The following REST variants were observed in gnomAD, a reference collection of about 807,000 sequenced individuals.
REST encodes RE1 silencing transcription factor, also known as RE1-silencing transcription factor.
In REST, 1 loss-of-function variant was observed where a neutral mutation model predicts 30.4. The observed-to-expected ratio is 0.03, with a 90% CI of 0.01 to 0.16. REST has a LOEUF of 0.16. Among genes scored for constraint, REST ranks in the 10% least tolerant of loss-of-function variants. REST has a pLI of 1.00. For synonymous variants in REST, 504 were observed against 451.1 expected, an observed-to-expected ratio of 1.12 and a Z score of -1.49; for missense variants, 1,259 against 1,329.5, an observed-to-expected ratio of 0.95 and a Z score of 0.82.
Position 56,911,174 on chromosome 4 carries a change from G to C in REST, c.536G>C (p.Arg179Thr), listed in dbSNP as rs1031974892. ...GAAGAACAGTTTGTGCATCACATCA[G>C]AGTTCACAGTGCTAAGAAATTTTTT... ...ESEEQFVHHI[R>T]VHSAKKFFVE... Residue 179 changes from arginine (R) to threonine (T), a missense_variant, in exon 2 of 4, where the codon AGA (arginine) becomes ACA (threonine). Transcript: ENST00000309042. 1 of 1,614,208 alleles carries C rather than the reference G, an allele frequency of 6.2e-7. No individual in the cohort carries two copies. The highest frequency in any genetic ancestry group is 8.5e-7 in the Non-Finnish European group (1 of 1,180,046).
rs1199021044 is a variant in REST at position 56,935,482 on chromosome 4, C to G, written c.*3330C>G. ...ATGTGTACATAGGTTCCCTCCCGGT[C>G]CCTTCCATATCCATTAGTTATTGAA... On this transcript the variant is annotated 3_prime_UTR_variant, in exon 4 of 4. Coordinates refer to ENST00000309042, the MANE Select transcript of REST (RefSeq NM_005612.5). 6.6e-6 allele frequency: 1 copy of G among 152,228 alleles called. No individual in the cohort carries two copies. Among genetic ancestry groups the G allele is most frequent in the Non-Finnish European group, 1.5e-5 (1 of 68,040 alleles). The allele number at this position is 152,228 out of a possible 1,614,324, so 9.4% of individuals were successfully genotyped here.
chr4:56,931,001 C>A lies in REST; in HGVS notation c.2143C>A (p.Gln715Lys). The A allele has an allele frequency of 6.2e-7, 1 of 1,614,238 alleles. No individual in the cohort carries two copies. The highest frequency in any genetic ancestry group is 8.5e-7 in the Non-Finnish European group (1 of 1,180,036). ...PMEPAQMEVA[Q>K]VESAPMQVVQ... Reference sequence around the variant, plus strand: ...GGAACCTGCTCAGATGGAGGTTGCCCAGGTAGAATCTGCTCCCATGCAGGT... The same window carrying A: ...GGAACCTGCTCAGATGGAGGTTGCCAAGGTAGAATCTGCTCCCATGCAGGT... Residue 715 changes from glutamine to lysine, a missense_variant, in exon 4 of 4, where the codon CAG (glutamine) becomes AAG (lysine). By Grantham distance (53) the Gln-to-Lys change is moderately conservative. Around this residue, in one of 5 missense-constraint regions of REST, gnomAD observed 856 missense variants for 772.8 expected, o/e 1.11. Coordinates refer to ENST00000309042, the MANE Select transcript of REST (RefSeq NM_005612.5).
At chr4:56,925,663 G>A (rs891351111) in intron 3 of REST, among the ~76,000 whole-genome samples, 133 of 152,232 alleles carry the variant, frequency 8.7e-4, no homozygotes, top group African/African-American at 3.1e-3. Flanking sequence ...CTAGAATTGG[G>A]AAAAAGAATT....
Position 56,929,884 on chromosome 4 carries a change from T to C in REST, c.1026T>C (p.Ser342=). ...GTGATCAGTGCAGTTATGTGGCCTC[T>C]AATCAACATGAAGTAACCCGCCATG... ...FKCDQCSYVA[S]NQHEVTRHAR... Residue 342 remains serine, a synonymous_variant, in exon 4 of 4, where the codon TCT becomes TCC. Transcript: ENST00000309042. The C allele has an allele frequency of 6.2e-7, 1 of 1,614,160 alleles. No homozygotes were observed. The highest frequency in any genetic ancestry group is 8.5e-7 in the Non-Finnish European group (1 of 1,180,018).
At position 56,931,525 on chromosome 4, in the gene REST, TAAA is replaced by T; in HGVS notation, c.2668_2670del (p.Lys890del). 1 of 1,614,034 alleles carries T rather than the reference TAAA, an allele frequency of 6.2e-7. No homozygotes were observed. Among genetic ancestry groups the T allele is most frequent in the Non-Finnish European group, 8.5e-7 (1 of 1,180,010 alleles). ...AATTACTCAACACAGGTGAAGGAAATAAAGAAGCCCCTCTTCAGAAAGTAGGAG... is the reference window on the plus strand; with the variant it reads ...AATTACTCAACACAGGTGAAGGAAATGAAGCCCCTCTTCAGAAAGTAGGAG... On this transcript the variant is annotated inframe_deletion, in exon 4 of 4. Coordinates refer to ENST00000309042, the MANE Select transcript of REST (RefSeq NM_005612.5).
chr4:56,922,261 A>G (rs977638264), intron 3 of REST: 18 of 148,780 alleles, frequency 1.2e-4, no homozygotes, highest in Non-Finnish European at 5.9e-5. Context: ...TTTTAGTAAA[A>G]TATTTGAGAG....
At chr4:56,927,963 T>G (rs557507589) in intron 3 of REST, among the ~76,000 whole-genome samples, 7 of 152,228 alleles carry the variant, frequency 4.6e-5, no homozygotes, top group Non-Finnish European at 1.0e-4. Flanking sequence ...AGGATTAAAT[T>G]TCAAGAAAAA....
chr4:56,908,646 C>G (rs1719736463), intron 1 of REST, among the ~76,000 whole-genome samples: 1 of 152,128 alleles, frequency 6.6e-6, no homozygotes, highest in Non-Finnish European at 1.5e-5. Context: ...GGCCCCCTCC[C>G]CCAGGGCCTC....
At chr4:56,919,225 A>G (rs1720339394) in intron 2 of REST, among the ~76,000 whole-genome samples, 1 of 151,766 alleles carries the variant, frequency 6.6e-6, no homozygotes, top group African/African-American at 2.4e-5. Flanking sequence ...TTTTAAAATA[A>G]AATTTTAGAA....
At chr4:56,919,728 G>A in intron 2 of REST, 59 bp from the exon 3 acceptor site, 1 of 1,044,184 alleles carries the variant, frequency 9.6e-7, no homozygotes, top group Non-Finnish European at 1.5e-6. Context: ...TTGTTAGTGA[G>A]AATTGTATTT....
intron 3 of REST, among the ~76,000 whole-genome samples, chr4:56,926,371 C>G (rs1031159132): frequency 2.6e-5 from 4 of 151,098 alleles, no homozygotes; most frequent in African/African-American, 7.3e-5. Flanking sequence ...CTGCGCCCAG[C>G]CTTTTTTATT....
intron 3 of REST, among the ~76,000 whole-genome samples, chr4:56,920,739 C>T (rs974194515): frequency 2.6e-5 from 4 of 152,012 alleles, no homozygotes; most frequent in Non-Finnish European, 4.4e-5. Context: ...GAAACTCTAT[C>T]TTGAAAAAAA....
chr4:56,931,958 G>T lies in REST; in HGVS notation c.3100G>T (p.Gly1034Trp). Residue 1034 changes from glycine (G) to tryptophan (W), a missense_variant, in exon 4 of 4, where the codon GGG becomes TGG. By Grantham distance (184) the Gly-to-Trp change is radical. Around this residue, in one of 5 missense-constraint regions of REST, gnomAD observed 856 missense variants for 772.8 expected, o/e 1.11. Transcript: ENST00000309042. ...GGGTAGTGATGATTCTGGATTGCAT[G>T]GGGCTCGGCCAGTTCCACAAGAATC... is the stretch of plus-strand genomic sequence containing the variant. ...SEGSDDSGLH[G>W]ARPVPQESSR... The T allele has an allele frequency of 6.2e-7, 1 of 1,614,216 alleles. No homozygotes were observed. The highest frequency in any genetic ancestry group is 8.5e-7 in the Non-Finnish European group (1 of 1,180,040).
intron 3 of REST, among the ~76,000 whole-genome samples, chr4:56,926,169 C>G (rs1224106462): frequency 2.0e-5 from 3 of 152,052 alleles, no homozygotes; most frequent in Non-Finnish European, 4.4e-5. Context: ...AAGTGATTCT[C>G]CTGCCTCAGC....
chr4:56,919,370 A>G (rs758219221), intron 2 of REST, among the ~76,000 whole-genome samples: 44 of 152,264 alleles, frequency 2.9e-4, no homozygotes, highest in Middle Eastern at 3.4e-3. Flanking sequence ...TTCATCATTT[A>G]CAAGTTAAAA....
Position 56,930,173 on chromosome 4 carries a change from G to T in REST, c.1315G>T (p.Asp439Tyr), listed in dbSNP as rs1720896799. The T allele has an allele frequency of 6.2e-7, 1 of 1,611,962 alleles. No individual in the cohort carries two copies. Among genetic ancestry groups the T allele is most frequent in the African/African-American group, 1.3e-5 (1 of 74,824 alleles). The change falls in exon 4 of 4, where the codon GAT (aspartate) becomes TAT (tyrosine). Residue 439 changes from aspartate to tyrosine, a missense_variant. Coordinates refer to ENST00000309042, the MANE Select transcript of REST (RefSeq NM_005612.5). ...CAAAAAACGAGAGGCTGACTTGCCT[G>T]ATAATATTACCAATGAAAAAACAGA... ...KTKKREADLPDNITNEKTEIE... is the reference protein window; with the variant it reads ...KTKKREADLPYNITNEKTEIE...
intron 3 of REST, among the ~76,000 whole-genome samples, chr4:56,924,361 TATCAC>T (rs1159297250): frequency 3.3e-5 from 5 of 152,336 alleles, no homozygotes; most frequent in African/African-American, 1.2e-4. Flanking sequence ...CCTATTTGAT[TATCAC>T]TCAAGAACAA....
intron 2 of REST, among the ~76,000 whole-genome samples, chr4:56,913,237 A>G (rs1033616399): frequency 6.6e-6 from 1 of 152,084 alleles, no homozygotes; most frequent in Non-Finnish European, 1.5e-5. Flanking sequence ...ACAGCTCACC[A>G]CAGCCTCTAC....
At chr4:56,928,374 T>TG (rs1720804223) in intron 3 of REST, among the ~76,000 whole-genome samples, 1 of 152,116 alleles carries the variant, frequency 6.6e-6, no homozygotes, top group Non-Finnish European at 1.5e-5. Flanking sequence ...CCCAAAGTGC[T>TG]GGGATTACAG....
Sources: gnomAD v4.1 joint callset for allele counts (sites outside exome capture counted in the v4.1 genomes callset) on GRCh38, gnomAD v4.1.1 for gene constraint, gnomAD v4.1.1 regional missense constraint, MANE v1.5 for transcripts, NCBI Gene and HGNC (gene_info 2026-07-23, HGNC 2026-07-21) for gene names.